Variants in COL9A1 observed in about 807,000 individuals in gnomAD.
COL9A1 encodes collagen alpha-1(IX) chain.
COL9A1 carries 104 observed loss-of-function variants against 142.6 expected under a neutral mutation model. That is an observed-to-expected ratio of 0.73 (90% CI 0.62 to 0.86). COL9A1 has a LOEUF of 0.86. Among genes scored for constraint, COL9A1 ranks in the 40% least tolerant of loss-of-function variants. The pLI is 0.00. For synonymous variants in COL9A1, 466 were observed against 396.0 expected, an observed-to-expected ratio of 1.18 and a Z score of -2.10; for missense variants, 1,210 against 1,176.6, an observed-to-expected ratio of 1.03 and a Z score of -0.42.
intron 4 of COL9A1, 101 bp from the exon 5 acceptor site, chr6:70,294,664 G>T: frequency 8.9e-7 from 1 of 1,128,178 alleles, no homozygotes; most frequent in Non-Finnish European, 1.3e-6. Context: ...CAGACCTATA[G>T]AAAAGCTACA....
At chr6:70,230,294 GAC>G (rs1376346388) in intron 36 of COL9A1, among the ~76,000 whole-genome samples, 1 of 152,114 alleles carries the variant, frequency 6.6e-6, no homozygotes, top group Non-Finnish European at 1.5e-5. Context: ...CCAAAAGTAT[GAC>G]AGTGTTAATT....
At chr6:70,283,301 C>T (rs1014958725) in intron 6 of COL9A1, 2 of 1,333,886 alleles carry the variant, frequency 1.5e-6, no homozygotes, top group African/African-American at 1.5e-5. Context: ...CAACAGTCGC[C>T]CTTAACCCCT....
chr6:70,301,348 G>A (rs1774054515), intron 2 of COL9A1, among the ~76,000 whole-genome samples: 1 of 152,188 alleles, frequency 6.6e-6, no homozygotes, highest in Non-Finnish European at 1.5e-5. Context: ...GGCTGAGGCA[G>A]GTAGATCACC....
intron 4 of COL9A1, among the ~76,000 whole-genome samples, chr6:70,294,855 C>A (rs1583348484): frequency 6.6e-6 from 1 of 152,146 alleles, no homozygotes; most frequent in Non-Finnish European, 1.5e-5. Flanking sequence ...ATTTATACTA[C>A]CCAAAGAGCT....
chr6:70,292,734 C>T (rs532943639), intron 5 of COL9A1, among the ~76,000 whole-genome samples: 1 of 152,260 alleles, frequency 6.6e-6, no homozygotes, highest in Admixed American at 6.5e-5. Context: ...CCTAAAGTAT[C>T]TTCCCCTTCA....
intron 17 of COL9A1, among the ~76,000 whole-genome samples, chr6:70,267,327 G>GTTTTGTTTTTT (rs1554241921): frequency 2.4e-5 from 3 of 127,060 alleles, no homozygotes; most frequent in South Asian, 5.0e-4. Flanking sequence ...TGGTTTTTTT[G>GTTTTGTTTTTT]TTTTTTTTTT....
chr6:70,301,314 G>A (rs568132701), intron 2 of COL9A1, among the ~76,000 whole-genome samples: 4 of 152,158 alleles, frequency 2.6e-5, no homozygotes, highest in Non-Finnish European at 5.9e-5. Context: ...TGTGGCTCAC[G>A]CCTGTAATCC....
At chr6:70,260,844 A>T in intron 19 of COL9A1, 134 bp from the exon 20 acceptor site, 3 of 717,366 alleles carry the variant, frequency 4.2e-6, no homozygotes, top group Non-Finnish European at 7.0e-6. Flanking sequence ...AACTATATAT[A>T]TATAGACAAA....
intron 5 of COL9A1, among the ~76,000 whole-genome samples, chr6:70,291,935 A>G (rs1054219427): frequency 6.6e-6 from 1 of 152,164 alleles, no homozygotes; most frequent in Non-Finnish European, 1.5e-5. Context: ...TGCTATCTCT[A>G]CTTTCCATCT....
intron 7 of COL9A1, among the ~76,000 whole-genome samples, chr6:70,281,696 G>T (rs577261934): frequency 3.9e-5 from 6 of 152,148 alleles, no homozygotes; most frequent in African/African-American, 1.4e-4. Context: ...CGCCCCCAAG[G>T]TTGGGGGAGG....
chr6:70,290,606 G>A (rs966777910), intron 5 of COL9A1, among the ~76,000 whole-genome samples: 1 of 147,538 alleles, frequency 6.8e-6, no homozygotes, highest in African/African-American at 2.6e-5. Context: ...TAGGCAGGGG[G>A]AAAATAGCAA....
chr6:70,237,245 T>C (rs1223731918), intron 33 of COL9A1, among the ~76,000 whole-genome samples: 1 of 152,220 alleles, frequency 6.6e-6, no homozygotes, highest in Non-Finnish European at 1.5e-5. Flanking sequence ...ACTGAAATAC[T>C]GCTACAGTAA....
intron 10 of COL9A1, among the ~76,000 whole-genome samples, chr6:70,277,509 G>T (rs1001725016): frequency 5.9e-5 from 9 of 152,122 alleles, no homozygotes; most frequent in African/African-American, 2.2e-4. Context: ...GCAGAAAAAA[G>T]TGCCTTCATA....
intron 20 of COL9A1, among the ~76,000 whole-genome samples, chr6:70,260,438 C>T (rs1771597566): frequency 6.6e-6 from 1 of 151,476 alleles, no homozygotes; most frequent in Non-Finnish European, 1.5e-5. Context: ...AGCTGCTCTA[C>T]TCGTGATGCT....
At chr6:70,243,709 G>A (rs1770415837) in intron 28 of COL9A1, among the ~76,000 whole-genome samples, 2 of 152,258 alleles carry the variant, frequency 1.3e-5, no homozygotes, top group African/African-American at 4.8e-5. Flanking sequence ...TGTATTTTTA[G>A]TAGAGACCGG....
At chr6:70,285,914 A>G (rs1017054923) in intron 5 of COL9A1, among the ~76,000 whole-genome samples, 5 of 151,736 alleles carry the variant, frequency 3.3e-5, no homozygotes, top group African/African-American at 1.2e-4. Flanking sequence ...TTTTTAGATG[A>G]AGTCTCGCTC....
chr6:70,247,055 C>T (rs577386312), intron 28 of COL9A1, among the ~76,000 whole-genome samples: 1 of 152,132 alleles, frequency 6.6e-6, no homozygotes, highest in Non-Finnish European at 1.5e-5. Context: ...GAGGTAATTA[C>T]TAAAGAAATC....
intron 16 of COL9A1, among the ~76,000 whole-genome samples, chr6:70,269,304 T>C (rs1250183570): frequency 6.6e-6 from 1 of 152,218 alleles, no homozygotes; most frequent in Non-Finnish European, 1.5e-5. Context: ...ACCACCATCA[T>C]TGGACTGTTA....
At chr6:70,254,912 G>T in intron 24 of COL9A1, 51 bp downstream of exon 24, 3 of 1,530,980 alleles carry the variant, frequency 2.0e-6, no homozygotes, top group Non-Finnish European at 2.7e-6. Context: ...CACTCAGTTG[G>T]CCAGGGCAGA....
Sources: allele counts gnomAD v4.1 joint callset (sites outside exome capture counted in the v4.1 genomes callset), GRCh38; gene constraint gnomAD v4.1.1; transcripts MANE v1.5; gene names NCBI Gene and HGNC (gene_info 2026-07-23, HGNC 2026-07-21).